Variants in AP3B2 observed in about 807,000 individuals in gnomAD.
AP3B2 encodes the protein AP-3 complex subunit beta-2.
In AP3B2, 50 loss-of-function variants were observed where a neutral mutation model predicts 126.9. The observed-to-expected ratio is 0.39, with a 90% CI of 0.31 to 0.50. The LOEUF (loss-of-function observed/expected upper bound fraction) is 0.50. Ranked by LOEUF, AP3B2 falls within the 20% of genes least tolerant of loss-of-function variation. The pLI is 0.79. For synonymous variants in AP3B2, 541 were observed against 565.0 expected (o/e 0.96, Z 0.60); for missense variants, 1,177 against 1,426.4 (o/e 0.83, Z 2.82).
At chr15:82,667,640 G>A (rs1290888819) in intron 14 of AP3B2, among the ~76,000 whole-genome samples, 1 of 152,188 alleles carries the variant, frequency 6.6e-6, no homozygotes, top group African/African-American at 2.4e-5. Flanking sequence ...TGGCAACAGC[G>A]GTAGCAGCCA....
Position 82,664,488 on chromosome 15 carries a change from G to C in AP3B2, c.2140C>G (p.Pro714Ala). The C allele has an allele frequency of 1.2e-6, 2 of 1,612,574 alleles. No homozygotes were observed. The highest frequency in any genetic ancestry group is 1.7e-6 in the Non-Finnish European group (2 of 1,179,322). ...SGPTESADSD[P>A]ESESESDSKS... The stretch of plus-strand genomic sequence containing the variant: ...CTGTCCGATTCACTCTCAGACTCAG[G>C]GTCTGTGGAGGAACAATATGAGGCC... Residue 714 changes from proline to alanine, a missense_variant and splice_region_variant, in exon 19 of 27, where the codon CCT becomes GCT. Around this residue, in one of 5 missense-constraint regions of AP3B2, gnomAD observed 587 missense variants for 571.3 expected, o/e 1.03. Transcript: ENST00000535359. This position sits in a 1 kb window ranked among gnomAD's most constrained non-coding sequence, Gnocchi z 4.5.
chr15:82,708,553 CCACCT>C (rs2048832538), intron 1 of AP3B2, among the ~76,000 whole-genome samples: 2 of 152,262 alleles, frequency 1.3e-5, no homozygotes, highest in South Asian at 4.1e-4. Context: ...ACTTCAAGAC[CCACCT>C]CCCTTGTCTC....
chr15:82,672,765 A>G (rs928330694), intron 14 of AP3B2, among the ~76,000 whole-genome samples: 1 of 152,238 alleles, frequency 6.6e-6, no homozygotes, highest in Admixed American at 6.5e-5. Context: ...TTAAAAAATA[A>G]AAAGAAGACG....
intron 1 of AP3B2, among the ~76,000 whole-genome samples, chr15:82,702,770 C>G (rs777255785): frequency 6.6e-6 from 1 of 152,136 alleles, no homozygotes; most frequent in Non-Finnish European, 1.5e-5. Context: ...CATGGACGTG[C>G]GTGAAATTTG....
chr15:82,660,746 T>G (rs1351941966), intron 25 of AP3B2, among the ~76,000 whole-genome samples: 1 of 152,228 alleles, frequency 6.6e-6, no homozygotes, highest in Non-Finnish European at 1.5e-5. Flanking sequence ...CATTCATGAC[T>G]AATAACATTT....
intron 12 of AP3B2, 107 bp downstream of exon 12, chr15:82,677,564 A>T (rs567659260): frequency 7.0e-7 from 1 of 1,424,922 alleles, no homozygotes; most frequent in African/African-American, 1.4e-5. Context: ...ACCAATGGAT[A>T]CACATTGTGT....
intron 25 of AP3B2, among the ~76,000 whole-genome samples, chr15:82,660,925 C>T (rs1189049966): frequency 6.6e-6 from 1 of 152,196 alleles, no homozygotes; most frequent in Admixed American, 6.5e-5. Flanking sequence ...TCCCTCAACC[C>T]ACTGCAGTTG....
chr15:82,683,063 T>G (rs1269821251), intron 4 of AP3B2, among the ~76,000 whole-genome samples: 22 of 138,044 alleles, frequency 1.6e-4, no homozygotes, highest in African/African-American at 6.0e-4. Flanking sequence ...TTTTTTTTTT[T>G]TTTTTTTTTT....
intron 26 of AP3B2, 37 bp downstream of exon 26, chr15:82,659,808 C>A (rs761298141): frequency 6.2e-7 from 1 of 1,610,770 alleles, no homozygotes; most frequent in South Asian, 1.1e-5. Context: ...CCAGGGCCCC[C>A]ATGCTCATCA....
In AP3B2 at chr15:82,709,671, GC is replaced by G; in HGVS notation, c.35del (p.Gly12AlafsTer31). 1 of 1,505,808 alleles carries G rather than the reference GC, an allele frequency of 6.6e-7. No homozygotes were observed. The allele number at this position is 1,505,808 out of a possible 1,614,324, so 93.3% of individuals were successfully genotyped here. A position where few individuals can be genotyped will look rare whatever the true frequency, so the allele number is the denominator to read the frequency against. ...CGGGCTCCCCGGGGCCAGCGGAGCC[GC>G]CCTTGTCTTCGCTGTAGGCGGGGGC... is the stretch of plus-strand genomic sequence containing the variant. ...SAAPAYSEDK[G>X]GSAGPGEPEY... On this transcript the variant is annotated frameshift_variant, in exon 1 of 27. Transcript: ENST00000535359. LOFTEE classifies it high-confidence loss of function.
At chr15:82,702,912 A>G (rs2048741630) in intron 1 of AP3B2, among the ~76,000 whole-genome samples, 2 of 152,086 alleles carry the variant, frequency 1.3e-5, no homozygotes, top group African/African-American at 2.4e-5. Flanking sequence ...CATCTCACCA[A>G]TTTTAAATCA....
chr15:82,704,985 T>TCC (rs1218071787), intron 1 of AP3B2, among the ~76,000 whole-genome samples: 4 of 152,130 alleles, frequency 2.6e-5, no homozygotes, highest in African/African-American at 9.7e-5. Context: ...TTTTCAGTTA[T>TCC]CCCCACCTGC....
At chr15:82,702,515 G>A (rs2048734578) in intron 1 of AP3B2, among the ~76,000 whole-genome samples, 1 of 152,110 alleles carries the variant, frequency 6.6e-6, no homozygotes, top group Admixed American at 6.5e-5. Flanking sequence ...ACATTACCTT[G>A]TGAAATTCCT....
At chr15:82,677,039 T>C (rs1395476859) in intron 13 of AP3B2, among the ~76,000 whole-genome samples, 1 of 152,164 alleles carries the variant, frequency 6.6e-6, no homozygotes, top group African/African-American at 2.4e-5. Context: ...GCTAGAGCTT[T>C]AGAGAGAAAA....
chr15:82,677,732 G>A lies in AP3B2; in HGVS notation c.1317C>T (p.Asn439=). The A allele has an allele frequency of 3.7e-6, 6 of 1,611,072 alleles. No homozygotes were observed. The highest frequency in any genetic ancestry group is 5.1e-6 in the Non-Finnish European group (6 of 1,178,642). The change falls in exon 12 of 27, where the codon AAC becomes AAT. Residue 439 remains asparagine, a synonymous_variant. Transcript: ENST00000535359. ...GGCAGGTGTCACGGACTCGGCCGAT[G>A]TTAGTTGCACAGCGTCCAATGGCCT... is the stretch of plus-strand genomic sequence containing the variant. ...TIQAIGRCAT[N]IGRVRDTCLN... is the part of the protein sequence containing the mutation.
intron 1 of AP3B2, among the ~76,000 whole-genome samples, chr15:82,700,409 T>TTTTTTTTTTTTTTTTTTTTTC: frequency 8.3e-6 from 1 of 120,292 alleles, no homozygotes; most frequent in Non-Finnish European, 1.8e-5. Context: ...TTTTTTTTTT[T>TTTTTTTTTTTTTTTTTTTTTC]TTTTTTCAGA....
Position 82,664,254 on chromosome 15 carries a change from C to A in AP3B2, c.2261+113G>T. 1 of 1,530,430 alleles carries A rather than the reference C, an allele frequency of 6.5e-7. No individual in the cohort carries two copies. The highest frequency in any genetic ancestry group is 8.9e-7 in the Non-Finnish European group (1 of 1,127,734). The allele number at this position is 1,530,430 out of a possible 1,614,324, so 94.8% of individuals were successfully genotyped here. On this transcript the variant is annotated intron_variant, in intron 19 of 26. Transcript: ENST00000535359. This position sits in a 1 kb window ranked among gnomAD's most constrained non-coding sequence, Gnocchi z 4.5. ...CGTCATGTGAGCTGACAGCCCCACC[C>A]AGCTCACGAGGGGCTCAGGGGCTCT...
chr15:82,709,559 A>C (rs2048850485), intron 1 of AP3B2, 35 bp downstream of exon 1: 1 of 1,456,414 alleles, frequency 6.9e-7, no homozygotes, highest in South Asian at 1.3e-5. Context: ...CCCCGGCCCC[A>C]ACCCTCCCGC....
intron 14 of AP3B2, among the ~76,000 whole-genome samples, chr15:82,674,212 T>A (rs888172933): frequency 6.6e-6 from 1 of 152,166 alleles, no homozygotes; most frequent in Admixed American, 6.5e-5. Flanking sequence ...AGATTGCCAC[T>A]CATGGTCCCA....
Sources: allele counts gnomAD v4.1 joint callset (sites outside exome capture counted in the v4.1 genomes callset), GRCh38; gene constraint gnomAD v4.1.1; regional missense constraint gnomAD v4.1.1; non-coding constraint Gnocchi (gnomAD v3.1); transcripts MANE v1.5; gene names NCBI Gene and HGNC (gene_info 2026-07-23, HGNC 2026-07-21).